Variants in SLC25A29 observed in about 807,000 individuals in gnomAD.
SLC25A29 encodes the protein solute carrier family 25 member 29, also known as mitochondrial basic amino acids transporter.
A neutral mutation model predicts 10.0 loss-of-function variants in SLC25A29; 13 were observed. The ratio of observed to expected loss-of-function variants is 1.30; its 90% CI spans 0.85 to 2.07. The LOEUF is 2.07. SLC25A29 is among the 30% of genes most tolerant of loss of function. SLC25A29 has a pLI of 0.00. For synonymous variants in SLC25A29, 244 were observed against 221.1 expected (o/e 1.10, Z -0.92); for missense variants, 475 against 447.6 (o/e 1.06, Z -0.55).
the SLC25A29 span, among the ~76,000 whole-genome samples, chr14:100,283,194 A>C: frequency 6.6e-6 from 1 of 152,250 alleles, no homozygotes; most frequent in Admixed American, 6.5e-5. Context: ...TTTAGCCAAA[A>C]GCAAAATGCA....
chr14:100,292,723 A>G lies in SLC25A29; in HGVS notation c.472T>C (p.Leu158=), dbSNP rs1891825518. ...CCGAAGCTGGGCGTCTCACGCAGCA[A>G]CGTGGACACCATGCCCCGGTTGACG... ...RGVNRGMVST[L]LRETPSFGVY... Residue 158 remains leucine (L), a synonymous_variant, in exon 4 of 4, where the codon TTG becomes CTG. Transcript: ENST00000359232. 1 of 1,602,876 alleles carries G rather than the reference A, an allele frequency of 6.2e-7. No individual in the cohort carries two copies. Among genetic ancestry groups the G allele is most frequent in the Non-Finnish European group, 8.5e-7 (1 of 1,175,786 alleles).
downstream of SLC25A29, among the ~76,000 whole-genome samples, chr14:100,287,010 A>G (rs986710837): frequency 3.3e-5 from 5 of 152,258 alleles, no homozygotes; most frequent in Admixed American, 2.0e-4. Context: ...TGTTGGGAGA[A>G]TGAAGGGATG....
chr14:100,288,254 C>A (rs1189009677), downstream of SLC25A29, among the ~76,000 whole-genome samples: 1 of 151,862 alleles, frequency 6.6e-6, no homozygotes, highest in Non-Finnish European at 1.5e-5. Flanking sequence ...ATGGTTGCTG[C>A]GCCTATAATC....
In SLC25A29 at chr14:100,297,114, A is replaced by C. The variant is rs532731961; in HGVS notation, c.78+1728T>G. Among the ~76,000 whole-genome samples the C allele has an allele frequency of 4.6e-5, 7 of 152,328 alleles. No individual in the cohort carries two copies. The South Asian group carries it at 6.2e-4, about 14-fold the overall frequency. On this transcript the variant is annotated intron_variant, in intron 2 of 3. Transcript: ENST00000359232. ...AGACACAGACTCCATCTCAAAGAAAAGAAGTTCAGCTTTTTAAGGTAGGTA... is the reference window on the plus strand; with the variant it reads ...AGACACAGACTCCATCTCAAAGAAACGAAGTTCAGCTTTTTAAGGTAGGTA...
chr14:100,290,741 G>A (rs542908778), downstream of SLC25A29, among the ~76,000 whole-genome samples: 27 of 152,252 alleles, frequency 1.8e-4, no homozygotes, highest in African/African-American at 5.8e-4. Context: ...CAAGTTGCCC[G>A]GGTGGCTGAA....
chr14:100,287,628 A>C (rs952123308), downstream of SLC25A29, among the ~76,000 whole-genome samples: 11,958 of 62,076 alleles, frequency 0.19, 40 homozygotes, highest in Middle Eastern at 0.24. Flanking sequence ...CTGGAGCACC[A>C]CCCCCCCCCT....
chr14:100,301,121 G>A (rs749681198), intron 1 of SLC25A29, among the ~76,000 whole-genome samples: 2 of 151,544 alleles, frequency 1.3e-5, no homozygotes, highest in African/African-American at 4.9e-5. Context: ...GGATGGTGTC[G>A]ATCTCCTGAC....
rs780118888 is a variant in SLC25A29 at position 100,293,034 on chromosome 14, T to G, written c.163-2A>C. ...CAGGCCCTTGTACAGGCCCAGCACCTGCGGGGACAGAGACGCCATCAGAGC... is the reference window on the plus strand; with the variant it reads ...CAGGCCCTTGTACAGGCCCAGCACCGGCGGGGACAGAGACGCCATCAGAGC... On this transcript the variant is annotated splice_acceptor_variant, in intron 3 of 3. Coordinates refer to ENST00000359232, the MANE Select transcript of SLC25A29 (RefSeq NM_001039355.3). LOFTEE classifies it high-confidence loss of function. The G allele has an allele frequency of 6.5e-6, 10 of 1,531,944 alleles. No homozygotes were observed. The highest frequency in any genetic ancestry group is 7.9e-6 in the Non-Finnish European group (9 of 1,143,054). 94.9% of individuals were successfully genotyped at this position (1,531,944 alleles called of 1,614,324 possible). A position where few individuals can be genotyped will look rare whatever the true frequency, so the allele number is the denominator to read the frequency against.
chr14:100,289,068 C>A (rs1434876161), downstream of SLC25A29, among the ~76,000 whole-genome samples: 1 of 152,238 alleles, frequency 6.6e-6, no homozygotes, highest in East Asian at 1.9e-4. Context: ...CGGAGCGATG[C>A]TCTTGTGAGC....
At chr14:100,285,468 G>A in the SLC25A29 span, among the ~76,000 whole-genome samples, 3 of 151,804 alleles carry the variant, frequency 2.0e-5, no homozygotes. Context: ...GTCCGCTGTG[G>A]GGAGGGGCTG....
chr14:100,285,452 G>T, the SLC25A29 span, among the ~76,000 whole-genome samples: 1 of 151,676 alleles, frequency 6.6e-6, no homozygotes, highest in African/African-American at 2.4e-5. Context: ...CCCGGGGCTG[G>T]GCCGCGTCCG....
Position 100,292,964 on chromosome 14 carries a change from G to C in SLC25A29, c.231C>G (p.Phe77Leu), listed in dbSNP as rs560534824. The change falls in exon 4 of 4, where the codon TTC (phenylalanine) becomes TTG (leucine). Residue 77 changes from phenylalanine (F) to leucine (L), a missense_variant. By Grantham distance (22) the Phe-to-Leu change is conservative (BLOSUM62 0). Coordinates refer to ENST00000359232, the MANE Select transcript of SLC25A29 (RefSeq NM_001039355.3). The part of the protein sequence containing the change: ...MGLTFINALV[F>L]GVQGNTLRAL... ...CCCGGAGGGTGTTGCCCTGCACCCC[G>C]AACACCAGCGCGTTGATGAAGGTGA... 2 of 1,601,904 alleles carry C rather than the reference G, an allele frequency of 1.2e-6. No individual in the cohort carries two copies. The highest frequency in any genetic ancestry group is 2.2e-5 in the South Asian group (2 of 89,504).
At chr14:100,293,068 C>T in intron 3 of SLC25A29, 36 bp from the exon 4 acceptor site, 3 of 1,493,614 alleles carry the variant, frequency 2.0e-6, no homozygotes, top group South Asian at 1.3e-5. Context: ...GCCGGCAACG[C>T]GCACCTCCCG....
chr14:100,297,852 T>C (rs1359140708), intron 2 of SLC25A29, among the ~76,000 whole-genome samples: 2 of 152,166 alleles, frequency 1.3e-5, no homozygotes, highest in Admixed American at 1.3e-4. Flanking sequence ...AGCCCAAAGA[T>C]ACAGGGACCT....
chr14:100,293,367 T>C lies in SLC25A29; in HGVS notation c.89A>G (p.Gln30Arg). ...HPFDTVKVRL[Q>R]VQSVEKPQYR... is the part of the protein sequence containing the mutation. ...CTGAGGCTTCTCCACGCTCTGGACC[T>C]GAAGCCGTACCTGGAAGGAGAGGGT... The change falls in exon 3 of 4, where the codon CAG becomes CGG. Residue 30 changes from glutamine to arginine, a missense_variant. Transcript: ENST00000359232. 6.2e-7 allele frequency: 1 copy of C among 1,612,850 alleles called. No individual in the cohort carries two copies. The highest frequency in any genetic ancestry group is 8.5e-7 in the Non-Finnish European group (1 of 1,179,816).
At chr14:100,285,752 C>T in the SLC25A29 span, among the ~76,000 whole-genome samples, 1 of 152,100 alleles carries the variant, frequency 6.6e-6, no homozygotes. Context: ...GGCGGCGACG[C>T]CCGAGGAGGG....
At chr14:100,299,060 G>A (rs547568752) in intron 1 of SLC25A29, 175 bp from the exon 2 acceptor site, 12 of 1,440,824 alleles carry the variant, frequency 8.3e-6, no homozygotes, top group Admixed American at 2.8e-5. Flanking sequence ...GAATCCTCAC[G>A]TCCACTGGGA....
Position 100,292,562 on chromosome 14 carries a change from G to A in SLC25A29, c.633C>T (p.Asp211=), listed in dbSNP as rs746055551. Residue 211 remains aspartate (D), a synonymous_variant, in exon 4 of 4, where the codon GAC becomes GAT. Transcript: ENST00000359232. ...CCGCCTGCAGCCGCGACTTGACCAC[G>A]TCCACAGGATAGGTAGAGAGCCAGG... ...IVSWLSTYPV[D]VVKSRLQADG... 14 of 1,601,902 alleles carry A rather than the reference G, an allele frequency of 8.7e-6. No homozygotes were observed. Among genetic ancestry groups the A allele is most frequent in the African/African-American group, 2.7e-5 (2 of 74,700 alleles).
the SLC25A29 span, among the ~76,000 whole-genome samples, chr14:100,285,104 C>T: frequency 6.6e-6 from 1 of 151,874 alleles, no homozygotes; most frequent in East Asian, 2.0e-4. Context: ...GGGGTCTGAG[C>T]ACGCCCCTCA....
Sources: allele counts gnomAD v4.1 joint callset (sites outside exome capture counted in the v4.1 genomes callset), GRCh38; gene constraint gnomAD v4.1.1; transcripts MANE v1.5; gene names NCBI Gene and HGNC (gene_info 2026-07-23, HGNC 2026-07-21).